DTWD2: variants seen among roughly 807,000 people sequenced by gnomAD.
The protein encoded by DTWD2 is tRNA-uridine aminocarboxypropyltransferase 2.
DTWD2 carries 39 observed loss-of-function variants against 31.8 expected under a neutral mutation model. That is an observed-to-expected ratio of 1.22 (90% CI 0.95 to 1.60). The LOEUF (loss-of-function observed/expected upper bound fraction) is 1.60, where lower values mean the gene tolerates loss of function less well. Among genes scored for constraint, DTWD2 ranks in the 40% most tolerant of loss-of-function variants. DTWD2 has a pLI of 0.00. For missense variants in DTWD2, 515 were observed against 381.5 expected, an observed-to-expected ratio of 1.35 and a Z score of -2.92; for synonymous variants, 180 against 142.8, an observed-to-expected ratio of 1.26 and a Z score of -1.86.
chr5:118,843,224 G>A (rs1458025124), intron 5 of DTWD2, among the ~76,000 whole-genome samples: 1 of 151,700 alleles, frequency 6.6e-6, no homozygotes, highest in African/African-American at 2.4e-5. Context: ...CAAAGTGCTG[G>A]GATTACAGGT....
intron 1 of DTWD2, chr5:118,973,792 C>G (rs1755057121): frequency 1.2e-6 from 2 of 1,611,756 alleles, no homozygotes; most frequent in Non-Finnish European, 1.7e-6. Flanking sequence ...CGGCGTGCCC[C>G]ACCATGTCAG....
chr5:118,879,784 A>G (rs1752701016), intron 4 of DTWD2, among the ~76,000 whole-genome samples: 1 of 152,048 alleles, frequency 6.6e-6, no homozygotes, highest in Non-Finnish European at 1.5e-5. Flanking sequence ...GGGAAACAAC[A>G]CACATTGGGG....
chr5:118,947,294 C>T (rs994255621), intron 1 of DTWD2, among the ~76,000 whole-genome samples: 1 of 152,156 alleles, frequency 6.6e-6, no homozygotes, highest in Non-Finnish European at 1.5e-5. Flanking sequence ...AGCTCTTGTT[C>T]GGCGTCCAGT....
chr5:118,850,477 C>CAAAAAAAAAAAAAA (rs34808087), intron 4 of DTWD2, among the ~76,000 whole-genome samples: 2 of 30,474 alleles, frequency 6.6e-5, no homozygotes, highest in African/African-American at 2.0e-4. Context: ...GACCCCACCA[C>CAAAAAAAAAAAAAA]AAAAAAAAAA....
Position 118,928,567 on chromosome 5 carries a change from A to G in DTWD2, c.567T>C (p.Tyr189=), listed in dbSNP as rs754493510. 1 of 1,525,320 alleles carries G rather than the reference A, an allele frequency of 6.6e-7. No individual in the cohort carries two copies. The highest frequency in any genetic ancestry group is 1.4e-5 in the South Asian group (1 of 69,364). The allele number at this position is 1,525,320 out of a possible 1,614,324, so 94.5% of individuals were successfully genotyped here. Residue 189 remains tyrosine (Y), a synonymous_variant, in exon 4 of 6, where the codon TAT becomes TAC. Coordinates refer to ENST00000510708, the MANE Select transcript of DTWD2 (RefSeq NM_173666.4). ...TGGGATGTCGGAACAAGGAGTTCTT[A>G]TAGAAAATGTCCTTAGCCTGGCTCC... ...GTWSQAKDIF[Y]KNSLFRHPKQ...
At chr5:118,944,518 C>T in intron 2 of DTWD2, 41 bp downstream of exon 2, 1 of 1,573,500 alleles carries the variant, frequency 6.4e-7, no homozygotes, top group African/African-American at 1.4e-5. Context: ...CTCTTGTGGA[C>T]TCATATTCTA....
chr5:118,914,409 A>T (rs542526633), intron 4 of DTWD2, among the ~76,000 whole-genome samples: 44 of 152,340 alleles, frequency 2.9e-4, no homozygotes, highest in Admixed American at 7.8e-4. Flanking sequence ...CAGAACTGTG[A>T]GCCAGAACAC....
At chr5:118,869,118 ATGGTGG>A (rs371732780) in intron 4 of DTWD2, among the ~76,000 whole-genome samples, 1 of 151,598 alleles carries the variant, frequency 6.6e-6, no homozygotes, top group African/African-American at 2.4e-5. Context: ...GCGAAAATGG[ATGGTGG>A]TGGTGGTGGT....
At chr5:118,842,851 G>A (rs1185722607) in intron 5 of DTWD2, among the ~76,000 whole-genome samples, 1 of 151,896 alleles carries the variant, frequency 6.6e-6, no homozygotes, top group South Asian at 2.1e-4. Flanking sequence ...GGAGGCTGAG[G>A]CAGGAGGATC....
chr5:118,958,119 C>A (rs1754628462), intron 1 of DTWD2, among the ~76,000 whole-genome samples: 1 of 152,072 alleles, frequency 6.6e-6, no homozygotes, highest in African/African-American at 2.4e-5. Flanking sequence ...TATAAGTTTT[C>A]ATGTGAAACC....
intron 1 of DTWD2, among the ~76,000 whole-genome samples, chr5:118,951,327 T>C (rs115660861): frequency 0.014 from 2,134 of 152,094 alleles, 27 homozygotes; most frequent in South Asian, 0.024. Context: ...AGAGGTCATA[T>C]AGGTCTGTAG....
At chr5:118,843,809 C>T (rs928697025) in intron 5 of DTWD2, among the ~76,000 whole-genome samples, 1 of 152,212 alleles carries the variant, frequency 6.6e-6, no homozygotes, top group African/African-American at 2.4e-5. Context: ...TGTTGGTACT[C>T]CCTACAGCTG....
At chr5:118,859,767 C>A (rs1037289162) in intron 4 of DTWD2, among the ~76,000 whole-genome samples, 5 of 152,126 alleles carry the variant, frequency 3.3e-5, no homozygotes, top group Non-Finnish European at 5.9e-5. Flanking sequence ...TCATAGGTAA[C>A]ATTTTTGGTT....
chr5:118,883,398 G>A (rs1470263334), intron 4 of DTWD2, among the ~76,000 whole-genome samples: 1 of 152,136 alleles, frequency 6.6e-6, no homozygotes, highest in Non-Finnish European at 1.5e-5. Flanking sequence ...ACCTCTGCCT[G>A]TTACCAAATT....
chr5:118,854,620 T>A (rs1752088573), intron 4 of DTWD2, among the ~76,000 whole-genome samples: 1 of 152,074 alleles, frequency 6.6e-6, no homozygotes, highest in Non-Finnish European at 1.5e-5. Flanking sequence ...TATATTTGTC[T>A]AATCACATAC....
chr5:118,966,090 T>C (rs938386209), intron 1 of DTWD2, among the ~76,000 whole-genome samples: 31 of 152,122 alleles, frequency 2.0e-4, no homozygotes, highest in African/African-American at 7.5e-4. Flanking sequence ...AGATATCAGC[T>C]ACGGTTTGGG....
chr5:118,865,586 T>A (rs998996584), intron 4 of DTWD2, among the ~76,000 whole-genome samples: 2 of 152,244 alleles, frequency 1.3e-5, no homozygotes, highest in Admixed American at 6.5e-5. Flanking sequence ...GTTTAAAAAC[T>A]GTCTAAATAC....
intron 4 of DTWD2, among the ~76,000 whole-genome samples, chr5:118,861,167 G>T (rs575309824): frequency 1.3e-5 from 2 of 152,320 alleles, no homozygotes; most frequent in African/African-American, 4.8e-5. Flanking sequence ...TGGTTACCTG[G>T]ATTAGAGTTA....
chr5:118,846,920 G>GCACACACACACACA (rs144531960), intron 5 of DTWD2, among the ~76,000 whole-genome samples: 3 of 134,870 alleles, frequency 2.2e-5, no homozygotes, highest in Admixed American at 7.7e-5. Flanking sequence ...AAACACACAG[G>GCACACACACACACA]CACACACACA....
Sources: gnomAD v4.1 joint callset for allele counts (sites outside exome capture counted in the v4.1 genomes callset) on GRCh38, gnomAD v4.1.1 for gene constraint, MANE v1.5 for transcripts, NCBI Gene and HGNC (gene_info 2026-07-23, HGNC 2026-07-21) for gene names.